Variants in KLF12 observed in about 807,000 individuals in gnomAD.
KLF12 encodes the protein KLF transcription factor 12.
A neutral mutation model predicts 37.8 loss-of-function variants in KLF12; 9 were observed. The observed-to-expected ratio is 0.24, with a 90% CI of 0.14 to 0.42. The LOEUF is 0.42. KLF12 is among the 10% of genes least tolerant of loss of function. KLF12 has a pLI of 1.00. For missense variants in KLF12, 411 were observed against 516.0 expected (o/e 0.80, Z 1.97); for synonymous variants, 208 against 202.1 (o/e 1.03, Z -0.25).
chr13:73,747,866 GA>G (rs1265776262), intron 6 of KLF12, among the ~76,000 whole-genome samples: 1 of 152,146 alleles, frequency 6.6e-6, no homozygotes, highest in Non-Finnish European at 1.5e-5. Context: ...TCATTTTAAA[GA>G]TTAAAATAAA....
chr13:74,044,420 T>A (rs558981946), intron 1 of KLF12, among the ~76,000 whole-genome samples: 160 of 152,212 alleles, frequency 1.1e-3, no homozygotes, highest in African/African-American at 3.6e-3. Context: ...GCAGGAGATA[T>A]ATAAGATGGT....
intron 1 of KLF12, among the ~76,000 whole-genome samples, chr13:74,082,461 AAT>A (rs1468358300): frequency 1.3e-5 from 2 of 152,198 alleles, no homozygotes; most frequent in Admixed American, 1.3e-4. Context: ...AGATTCTATC[AAT>A]AGTCTATCAA....
chr13:73,847,008 GA>G (rs748892602), intron 3 of KLF12, among the ~76,000 whole-genome samples: 3 of 152,092 alleles, frequency 2.0e-5, no homozygotes, highest in Non-Finnish European at 4.4e-5. Context: ...CATTTAATCT[GA>G]AATAATGATG....
chr13:74,163,925 A>G, the KLF12 span, among the ~76,000 whole-genome samples: 2 of 152,036 alleles, frequency 1.3e-5, no homozygotes, highest in Admixed American at 6.6e-5. Context: ...ACAGAATAAG[A>G]AAGAAAAAGT....
chr13:74,109,823 C>A (rs925175977), intron 1 of KLF12, among the ~76,000 whole-genome samples: 15 of 152,064 alleles, frequency 9.9e-5, no homozygotes, highest in Non-Finnish European at 1.6e-4. Flanking sequence ...ATCTATAGAA[C>A]TGAAATTATG....
chr13:74,284,165 A>G, the KLF12 span, among the ~76,000 whole-genome samples: 9 of 152,048 alleles, frequency 5.9e-5, no homozygotes, highest in Non-Finnish European at 1.2e-4. Context: ...CCTAGTGTGT[A>G]TAAGTCTTAT....
intron 1 of KLF12, among the ~76,000 whole-genome samples, chr13:73,999,191 T>G (rs1257199590): frequency 6.6e-6 from 1 of 152,214 alleles, no homozygotes; most frequent in East Asian, 1.9e-4. Context: ...CACATTTAAC[T>G]TTCACAATTC....
the KLF12 span, among the ~76,000 whole-genome samples, chr13:74,278,203 T>C: frequency 8.5e-5 from 13 of 152,306 alleles, no homozygotes; most frequent in East Asian, 2.3e-3. Context: ...CTATTTCTAT[T>C]TGGGCTGATT....
At chr13:74,090,195 A>G (rs1165996596) in intron 1 of KLF12, among the ~76,000 whole-genome samples, 1 of 152,032 alleles carries the variant, frequency 6.6e-6, no homozygotes, top group Non-Finnish European at 1.5e-5. Flanking sequence ...ATAATAGTAT[A>G]AAAAGTAATG....
rs375690039 is a variant in KLF12 at position 73,825,009 on chromosome 13, C to A, written c.671-11722G>T. Reference sequence around the variant, plus strand: ...GCTTGAACCCAGGAGGCGGAGGTTGCAGTGCGCTGAGATTGCACCATTGCA... The same window carrying A: ...GCTTGAACCCAGGAGGCGGAGGTTGAAGTGCGCTGAGATTGCACCATTGCA... On this transcript the variant is annotated intron_variant, in intron 4 of 7. Coordinates refer to ENST00000377669, the MANE Select transcript of KLF12 (RefSeq NM_007249.5). Among the ~76,000 whole-genome samples the A allele has an allele frequency of 3.3e-5, 5 of 151,708 alleles. No individual in the cohort carries two copies. In the South Asian group the frequency reaches 6.2e-4, roughly 19 times the overall value.
At position 73,796,477 on chromosome 13, in the gene KLF12, CCTGT is replaced by C. The variant is rs1467728420; in HGVS notation, c.806+16671_806+16674del. Among the ~76,000 whole-genome samples, 28 of 148,466 alleles carry C rather than the reference CCTGT, an allele frequency of 1.9e-4. No individual in the cohort carries two copies. The Admixed American group carries it at 1.9e-3, about 10-fold the overall frequency. ...CTTCTCTAAGCTTTCTCCCTCTCTC[CCTGT>C]CTGTCTCTTTCTCCCTGCCCCTGTG... is the stretch of plus-strand genomic sequence containing the variant. On this transcript the variant is annotated intron_variant, in intron 5 of 7. Coordinates refer to ENST00000377669, the MANE Select transcript of KLF12 (RefSeq NM_007249.5).
At chr13:74,042,975 A>T (rs1239444880) in intron 1 of KLF12, among the ~76,000 whole-genome samples, 1 of 152,226 alleles carries the variant, frequency 6.6e-6, no homozygotes, top group African/African-American at 2.4e-5. Context: ...AGCAAAGTTT[A>T]GTGGGGATCT....
chr13:73,959,644 C>T (rs1890957848), intron 2 of KLF12, among the ~76,000 whole-genome samples: 1 of 151,658 alleles, frequency 6.6e-6, no homozygotes, highest in Admixed American at 6.6e-5. Flanking sequence ...TGGTAATGTA[C>T]TACATATGTA....
At chr13:74,060,494 G>GTGTGTGTGTGTGTGTGTGTC (rs1555336647) in intron 1 of KLF12, among the ~76,000 whole-genome samples, 51 of 126,170 alleles carry the variant, frequency 4.0e-4, no homozygotes, top group Admixed American at 2.0e-3. Flanking sequence ...TTGTGTGTGT[G>GTGTGTGTGTGTGTGTGTGTC]TGTGTGTGTG....
Position 74,083,490 on chromosome 13 carries a change from GGA to G in KLF12, c.-32+50247_-32+50248del, listed in dbSNP as rs1301449653. Among the ~76,000 whole-genome samples the G allele has an allele frequency of 2.3e-3, 285 of 124,098 alleles. 2 individuals are homozygous for G. The highest frequency in any genetic ancestry group is 9.3e-3 in the African/African-American group (267 of 28,836). The allele number at this position is 124,098 out of a possible 152,430, so 81.4% of individuals were successfully genotyped here. A position where few individuals can be genotyped will look rare whatever the true frequency, so the allele number is the denominator to read the frequency against. On this transcript the variant is annotated intron_variant, in intron 1 of 7. Transcript: ENST00000377669. ...CCATTGCACTCCAGCCTGGGCGATAGGAGACACACACACACACACACACACAC... is the reference window on the plus strand; with the variant it reads ...CCATTGCACTCCAGCCTGGGCGATAGGACACACACACACACACACACACAC...
intron 5 of KLF12, among the ~76,000 whole-genome samples, chr13:73,794,556 A>G (rs1197934319): frequency 5.3e-5 from 8 of 152,196 alleles, no homozygotes; most frequent in Admixed American, 5.2e-4. Context: ...TCTATGTGGA[A>G]TCCTGACTTT....
intron 6 of KLF12, among the ~76,000 whole-genome samples, chr13:73,747,417 G>A (rs1646412645): frequency 6.6e-6 from 1 of 152,210 alleles, no homozygotes. Context: ...GAAAAGGACT[G>A]AATGAGAAGG....
chr13:74,030,689 T>C (rs552720833), intron 1 of KLF12, among the ~76,000 whole-genome samples: 15 of 152,246 alleles, frequency 9.9e-5, no homozygotes, highest in African/African-American at 3.4e-4. Flanking sequence ...AAGGATGCAT[T>C]TATATGTTAA....
intron 1 of KLF12, among the ~76,000 whole-genome samples, chr13:74,127,948 T>C (rs1412343821): frequency 1.3e-5 from 2 of 152,174 alleles, no homozygotes; most frequent in Non-Finnish European, 2.9e-5. Context: ...AATAATTCTA[T>C]TTTTAAAATT....
Sources: gnomAD v4.1 joint callset for allele counts (sites outside exome capture counted in the v4.1 genomes callset) on GRCh38, gnomAD v4.1.1 for gene constraint, MANE v1.5 for transcripts, NCBI Gene and HGNC (gene_info 2026-07-23, HGNC 2026-07-21) for gene names.